The following PTTG1IP variants were observed in gnomAD, a reference collection of about 807,000 sequenced individuals.
The protein encoded by PTTG1IP is PTTG1 interacting protein.
PTTG1IP carries 16 observed loss-of-function variants against 24.4 expected under a neutral mutation model. The observed-to-expected ratio is 0.66, with a 90% CI of 0.44 to 1.00. PTTG1IP has a LOEUF of 1.00. PTTG1IP is among the 50% of genes least tolerant of loss of function. The pLI is 0.00. For missense variants in PTTG1IP, 241 were observed against 245.8 expected, an observed-to-expected ratio of 0.98 and a Z score of 0.13; for synonymous variants, 89 against 96.8, an observed-to-expected ratio of 0.92 and a Z score of 0.47.
chr21:44,853,489 C>T (rs1218081923), intron 5 of PTTG1IP, among the ~76,000 whole-genome samples: 2 of 123,406 alleles, frequency 1.6e-5, no homozygotes, highest in South Asian at 4.9e-4. Context: ...GCCTGGGCGA[C>T]AAGGTGAGAC....
intron 3 of PTTG1IP, among the ~76,000 whole-genome samples, chr21:44,858,593 T>TC (rs1461726053): frequency 6.6e-6 from 1 of 152,170 alleles, no homozygotes; most frequent in African/African-American, 2.4e-5. Flanking sequence ...CGAGCCCTGT[T>TC]CCCCTGCGGG....
At chr21:44,861,656 C>A in intron 2 of PTTG1IP, 1 of 710,176 alleles carries the variant, frequency 1.4e-6, no homozygotes, top group South Asian at 1.5e-5. Flanking sequence ...TGTGGCTCCC[C>A]ACTGACTGGA....
At chr21:44,855,283 A>C (rs1431204016) in intron 4 of PTTG1IP, 27 bp from the exon 5 acceptor site, 1 of 1,599,276 alleles carries the variant, frequency 6.3e-7, no homozygotes, top group East Asian at 2.2e-5. Flanking sequence ...CATTATGAGC[A>C]CCAAACGACA....
At chr21:44,871,769 C>T (rs2083588005) in intron 1 of PTTG1IP, among the ~76,000 whole-genome samples, 1 of 152,144 alleles carries the variant, frequency 6.6e-6, no homozygotes. Flanking sequence ...ACACCAAAGG[C>T]GCCTGGGCAG....
chr21:44,865,277 C>A lies in PTTG1IP; in HGVS notation c.168+118G>T, dbSNP rs978442753. 7.7e-6 allele frequency: 8 copies of A among 1,043,370 alleles called. No individual in the cohort carries two copies. The Admixed American group carries it at 1.7e-4, about 23-fold the overall frequency. 64.6% of individuals were successfully genotyped at this position (1,043,370 alleles called of 1,614,324 possible). On this transcript the variant is annotated intron_variant, in intron 2 of 5. Coordinates refer to ENST00000330938, the MANE Select transcript of PTTG1IP (RefSeq NM_004339.4). ...ATAACGATTCCAAAAAACATCCCCC[C>A]AAATCCCAAACAACAGAGCCCTCCA...
chr21:44,853,573 C>T (rs1601242229), intron 5 of PTTG1IP, among the ~76,000 whole-genome samples: 2 of 151,446 alleles, frequency 1.3e-5, no homozygotes, highest in African/African-American at 4.9e-5. Context: ...AAGGAAAGCA[C>T]AATGCCTCCA....
intron 3 of PTTG1IP, among the ~76,000 whole-genome samples, chr21:44,857,083 A>G (rs2083455368): frequency 6.6e-6 from 1 of 152,246 alleles, no homozygotes; most frequent in Non-Finnish European, 1.5e-5. Flanking sequence ...AGATCTATAC[A>G]TTGAAATCAG....
intron 5 of PTTG1IP, 86 bp downstream of exon 5, chr21:44,855,124 C>CT: frequency 2.1e-6 from 3 of 1,407,040 alleles, no homozygotes; most frequent in Non-Finnish European, 3.0e-6. Flanking sequence ...ACAGCCCCAT[C>CT]TCAGGCCACA....
intron 1 of PTTG1IP, among the ~76,000 whole-genome samples, chr21:44,868,831 C>T (rs1366971017): frequency 1.3e-5 from 2 of 152,168 alleles, no homozygotes; most frequent in Admixed American, 6.5e-5. Context: ...ACTGGGTCTG[C>T]CCCCGAAGAT....
At chr21:44,860,966 C>G (rs750561367) in intron 3 of PTTG1IP, among the ~76,000 whole-genome samples, 197 bp downstream of exon 3, 3 of 151,992 alleles carry the variant, frequency 2.0e-5, no homozygotes, top group Non-Finnish European at 4.4e-5. Context: ...ACCACGCCCA[C>G]CTAATTTTTG....
At chr21:44,859,881 G>A (rs1326914498) in intron 3 of PTTG1IP, among the ~76,000 whole-genome samples, 4 of 152,204 alleles carry the variant, frequency 2.6e-5, no homozygotes, top group Non-Finnish European at 5.9e-5. Flanking sequence ...TGGTAAGTAA[G>A]ACGTAAGTTG....
intron 1 of PTTG1IP, among the ~76,000 whole-genome samples, chr21:44,866,150 G>A (rs1208777196): frequency 1.3e-5 from 2 of 151,834 alleles, no homozygotes; most frequent in East Asian, 3.9e-4. Context: ...AAGCAAGAGC[G>A]ACTGCATGAG....
chr21:44,860,782 A>G (rs1472199224), intron 3 of PTTG1IP, among the ~76,000 whole-genome samples: 1 of 151,592 alleles, frequency 6.6e-6, no homozygotes, highest in Non-Finnish European at 1.5e-5. Context: ...TTTTCTAGCA[A>G]CTTCTGCTAA....
intron 1 of PTTG1IP, among the ~76,000 whole-genome samples, chr21:44,870,975 C>T (rs1405285133): frequency 1.3e-5 from 2 of 152,208 alleles, no homozygotes; most frequent in African/African-American, 2.4e-5. Flanking sequence ...CCTGTCACAC[C>T]GCAGGCCACA....
At chr21:44,869,422 A>T (rs2083567007) in intron 1 of PTTG1IP, among the ~76,000 whole-genome samples, 1 of 152,210 alleles carries the variant, frequency 6.6e-6, no homozygotes. Flanking sequence ...GTTTGGTCAA[A>T]ATAACAACAG....
At chr21:44,862,045 G>A in intron 2 of PTTG1IP, 2 of 582,522 alleles carry the variant, frequency 3.4e-6, no homozygotes, top group Non-Finnish European at 6.2e-6. Context: ...TCAGGTGTGA[G>A]GCCGCAGTGG....
At position 44,851,496 on chromosome 21, in the gene PTTG1IP, G is replaced by C; in HGVS notation, c.*85C>G. 6.2e-7 allele frequency: 1 copy of C among 1,613,508 alleles called. No individual in the cohort carries two copies. Among genetic ancestry groups the C allele is most frequent in the Non-Finnish European group, 8.5e-7 (1 of 1,179,940 alleles). On this transcript the variant is annotated 3_prime_UTR_variant, in exon 6 of 6. Transcript: ENST00000330938. The stretch of plus-strand genomic sequence containing the variant: ...GTTCACTGGCCAAGGTCAGGAGACC[G>C]CAATGGCCACGTGGTCTCCCGGCTG...
At chr21:44,862,249 G>A (rs115698400) in intron 2 of PTTG1IP, among the ~76,000 whole-genome samples, 14 of 152,322 alleles carry the variant, frequency 9.2e-5, no homozygotes, top group African/African-American at 2.9e-4. Context: ...GGTCAGGCAC[G>A]GTGGCTCACG....
rs117897859 is a variant in PTTG1IP, at chr21:44,862,891, C to T, written c.169-1620G>A. The stretch of plus-strand genomic sequence containing the variant: ...ATTAACGATTTTTGGCTAATCCTCC[C>T]TTTTCAAGTGGCTCAAGTTGTAAAT... On this transcript the variant is annotated intron_variant, in intron 2 of 5. Coordinates refer to ENST00000330938, the MANE Select transcript of PTTG1IP (RefSeq NM_004339.4). 2.7e-3 allele frequency among the ~76,000 whole-genome samples: 412 copies of T among 152,288 alleles called. 3 individuals are homozygous for T. In the South Asian group the frequency reaches 0.036, roughly 13 times the overall value.
Sources: allele counts gnomAD v4.1 joint callset (sites outside exome capture counted in the v4.1 genomes callset), GRCh38; gene constraint gnomAD v4.1.1; transcripts MANE v1.5; gene names NCBI Gene and HGNC (gene_info 2026-07-23, HGNC 2026-07-21).